PRKN: variants seen among roughly 807,000 people sequenced by gnomAD.
The protein encoded by PRKN is parkin RBR E3 ubiquitin protein ligase.
In PRKN, 56 loss-of-function variants were observed where a neutral mutation model predicts 59.5. The observed-to-expected ratio is 0.94, with a 90% CI of 0.76 to 1.18. The LOEUF (loss-of-function observed/expected upper bound fraction) is 1.18. Ranked by LOEUF, PRKN falls within the 50% of genes most tolerant of loss-of-function variation. The probability of loss-of-function intolerance (pLI) is 0.00; values close to 1 mark genes in which losing one functional copy is unlikely to be tolerated. For synonymous variants in PRKN, 250 were observed against 222.1 expected (o/e 1.13, Z -1.12); for missense variants, 657 against 596.4 (o/e 1.10, Z -1.06).
intron 1 of PRKN, among the ~76,000 whole-genome samples, chr6:162,493,432 A>T (rs1007201169): frequency 1.3e-5 from 2 of 152,216 alleles, no homozygotes; most frequent in Non-Finnish European, 2.9e-5. Context: ...AAGGACACTC[A>T]GCAATGCCAT....
chr6:161,458,204 C>A lies in PRKN; in HGVS notation c.1084-71327G>T, dbSNP rs182630726. 6.6e-6 allele frequency among the ~76,000 whole-genome samples: 1 copy of A among 152,302 alleles called. No homozygotes were observed. Among genetic ancestry groups the A allele is most frequent in the East Asian group, 1.9e-4 (1 of 5,178 alleles). On this transcript the variant is annotated intron_variant, in intron 9 of 11. Coordinates refer to ENST00000366898, the MANE Select transcript of PRKN (RefSeq NM_004562.3). The surrounding 1 kb of genome is among the most constrained non-coding windows in gnomAD (Gnocchi z 6.1). Reference sequence around the variant, plus strand: ...AATAAATCTTAGTGCAGCTGCTTATCGAGCTAAAGAAGGCCTGGTGTCTCT... The same window carrying A: ...AATAAATCTTAGTGCAGCTGCTTATAGAGCTAAAGAAGGCCTGGTGTCTCT...
chr6:161,806,573 G>C (rs1037636460), intron 6 of PRKN, among the ~76,000 whole-genome samples: 1 of 152,140 alleles, frequency 6.6e-6, no homozygotes, highest in Non-Finnish European at 1.5e-5. Context: ...GAGGAGGCTG[G>C]AGAAGGAGGC....
intron 5 of PRKN, among the ~76,000 whole-genome samples, chr6:161,980,066 G>T (rs1781204270): frequency 6.6e-6 from 1 of 152,212 alleles, no homozygotes; most frequent in Admixed American, 6.5e-5. Context: ...ATGACAACTG[G>T]CTTGAAAGCC....
At chr6:162,108,745 C>T (rs903940615) in intron 4 of PRKN, among the ~76,000 whole-genome samples, 1 of 152,072 alleles carries the variant, frequency 6.6e-6, no homozygotes, top group Non-Finnish European at 1.5e-5. Context: ...CTGCATTCAC[C>T]GTTGAGAAGT....
intron 6 of PRKN, among the ~76,000 whole-genome samples, chr6:161,918,973 C>T (rs1778679457): frequency 6.6e-6 from 1 of 152,106 alleles, no homozygotes; most frequent in Non-Finnish European, 1.5e-5. Flanking sequence ...TGAAAACATT[C>T]GAGCAATTTC....
intron 4 of PRKN, among the ~76,000 whole-genome samples, chr6:162,172,590 C>A (rs530686530): frequency 6.6e-6 from 1 of 152,260 alleles, no homozygotes; most frequent in South Asian, 2.1e-4. Context: ...TATAAGGTAC[C>A]TACCTCATAG....
intron 6 of PRKN, among the ~76,000 whole-genome samples, chr6:161,918,672 A>G (rs961166153): frequency 2.6e-5 from 4 of 152,160 alleles, no homozygotes; most frequent in African/African-American, 7.2e-5. Flanking sequence ...TCTTCTAAGG[A>G]AGGAAAACAA....
chr6:161,770,260 G>C (rs778932656), intron 7 of PRKN, among the ~76,000 whole-genome samples: 3 of 152,084 alleles, frequency 2.0e-5, no homozygotes, highest in Non-Finnish European at 2.9e-5. Context: ...TAGCTTAACC[G>C]CAGGGAGCAG....
intron 7 of PRKN, among the ~76,000 whole-genome samples, chr6:161,784,668 C>T (rs540622682): frequency 3.3e-5 from 5 of 152,282 alleles, no homozygotes; most frequent in Admixed American, 6.5e-5. Flanking sequence ...CATTGCTACA[C>T]TGCTGGTGGC....
chr6:162,408,325 G>A (rs1788179004), intron 2 of PRKN, among the ~76,000 whole-genome samples: 1 of 151,928 alleles, frequency 6.6e-6, no homozygotes, highest in African/African-American at 2.4e-5. Context: ...TTAAGTGACT[G>A]CTTAGGTGAA....
intron 4 of PRKN, among the ~76,000 whole-genome samples, chr6:162,097,904 C>G (rs941865851): frequency 2.6e-5 from 4 of 152,138 alleles, no homozygotes; most frequent in Non-Finnish European, 2.9e-5. Flanking sequence ...TTTTTAATTA[C>G]CGATGACTTC....
rs541977682 is a variant in PRKN, at chr6:161,665,077, C to T, written c.872-95661G>A. Among the ~76,000 whole-genome samples the T allele has an allele frequency of 4.1e-4, 63 of 152,064 alleles. 1 individual carries two copies. Among genetic ancestry groups the T allele is most frequent in the Non-Finnish European group, 6.6e-4 (45 of 68,022 alleles). On this transcript the variant is annotated intron_variant, in intron 7 of 11. Transcript: ENST00000366898. ...TTGGGATTACAGGCGTAAGCCACCA[C>T]GCCTGGCCCAACAACTGACTTTAAA...
intron 7 of PRKN, among the ~76,000 whole-genome samples, chr6:161,669,502 A>G (rs1049365196): frequency 1.3e-5 from 2 of 152,212 alleles, no homozygotes; most frequent in African/African-American, 4.8e-5. Flanking sequence ...AATCTTATTA[A>G]TGTCAGCATT....
At chr6:162,086,911 C>A (rs1190112947) in intron 4 of PRKN, among the ~76,000 whole-genome samples, 2 of 152,130 alleles carry the variant, frequency 1.3e-5, no homozygotes, top group Non-Finnish European at 2.9e-5. Flanking sequence ...AATGAAATTG[C>A]TGAAGAATTA....
intron 1 of PRKN, among the ~76,000 whole-genome samples, chr6:162,481,533 G>A (rs1361571028): frequency 2.6e-5 from 4 of 152,110 alleles, no homozygotes; most frequent in Non-Finnish European, 5.9e-5. Context: ...CTTAAGAGTT[G>A]AGCATTTTGT....
At chr6:162,556,760 A>AAG (rs1554243664) in intron 1 of PRKN, among the ~76,000 whole-genome samples, 1 of 151,216 alleles carries the variant, frequency 6.6e-6, no homozygotes, top group Admixed American at 6.6e-5. Flanking sequence ...AAAAAAAAAA[A>AAG]AAAGAGAAAA....
chr6:161,696,493 C>A (rs1374326646), intron 7 of PRKN, among the ~76,000 whole-genome samples: 1 of 152,204 alleles, frequency 6.6e-6, no homozygotes, highest in Non-Finnish European at 1.5e-5. Context: ...AGGAACGTAT[C>A]TAAATCTAAG....
At chr6:161,997,344 C>T (rs1781885957) in intron 5 of PRKN, among the ~76,000 whole-genome samples, 1 of 152,036 alleles carries the variant, frequency 6.6e-6, no homozygotes, top group African/African-American at 2.4e-5. Context: ...AATCAGCCTC[C>T]TGGGGTTCTG....
At chr6:161,949,497 C>G (rs1382479077) in intron 6 of PRKN, among the ~76,000 whole-genome samples, 2 of 151,776 alleles carry the variant, frequency 1.3e-5, no homozygotes, top group Non-Finnish European at 2.9e-5. Flanking sequence ...GGCAACAGAG[C>G]AAGACTCTGT....
Sources: gnomAD v4.1 joint callset for allele counts (sites outside exome capture counted in the v4.1 genomes callset) on GRCh38, gnomAD v4.1.1 for gene constraint, Gnocchi (gnomAD v3.1) non-coding constraint, MANE v1.5 for transcripts, NCBI Gene and HGNC (gene_info 2026-07-23, HGNC 2026-07-21) for gene names.